Variants in HIPK3 observed in about 807,000 individuals in gnomAD.
HIPK3 encodes homeodomain interacting protein kinase 3.
Under a neutral mutation model 124.2 loss-of-function variants are expected in HIPK3, and 47 were observed. The ratio of observed to expected loss-of-function variants is 0.38; its 90% CI spans 0.30 to 0.48. The LOEUF (loss-of-function observed/expected upper bound fraction) is 0.48. Among genes scored for constraint, HIPK3 ranks in the 20% least tolerant of loss-of-function variants. The pLI is 0.98. For synonymous variants in HIPK3, 482 were observed against 515.2 expected (o/e 0.94, Z 0.87); for missense variants, 1,286 against 1,454.3 (o/e 0.88, Z 1.88).
chr11:33,334,365 G>A (rs1369734436), intron 3 of HIPK3, among the ~76,000 whole-genome samples: 1 of 152,058 alleles, frequency 6.6e-6, no homozygotes, highest in Non-Finnish European at 1.5e-5. Flanking sequence ...TGGTGAAAGG[G>A]GGAATATGTA....
Position 33,339,377 on chromosome 11 carries a change from A to G in HIPK3, c.1456A>G (p.Ser486Gly), listed in dbSNP as rs1481725126. 6.2e-7 allele frequency: 1 copy of G among 1,613,462 alleles called. No homozygotes were observed. Among genetic ancestry groups the G allele is most frequent in the Non-Finnish European group, 8.5e-7 (1 of 1,179,660 alleles). The change falls in exon 6 of 17, where the codon AGT (serine) becomes GGT (glycine). Residue 486 changes from serine to glycine, a missense_variant. Physicochemically the swap from Ser to Gly is moderately conservative, Grantham distance 56. This residue lies in a region of HIPK3 where 251 missense variants were observed against 349.1 expected (regional missense o/e 0.72). Coordinates refer to ENST00000303296, the MANE Select transcript of HIPK3 (RefSeq NM_005734.5). ...HVNTVMDLEG[S>G]DLLAEKADRR... Reference sequence around the variant, plus strand: ...GAACACAGTGATGGATTTGGAAGGAAGTGATCTTTTGGCTGAGAAAGCTGA... The same window carrying G: ...GAACACAGTGATGGATTTGGAAGGAGGTGATCTTTTGGCTGAGAAAGCTGA...
At chr11:33,302,776 C>T (rs962507711) in intron 2 of HIPK3, among the ~76,000 whole-genome samples, 1 of 152,058 alleles carries the variant, frequency 6.6e-6, no homozygotes, top group South Asian at 2.1e-4. Context: ...AATCTTAATG[C>T]TATTACTGAT....
At chr11:33,342,602 G>A (rs1202535880) in intron 8 of HIPK3, among the ~76,000 whole-genome samples, 8 of 150,076 alleles carry the variant, frequency 5.3e-5, no homozygotes, top group African/African-American at 2.0e-4. Flanking sequence ...GGAGTGCAAT[G>A]GCACTATCTC....
chr11:33,266,217 T>C (rs1850960305), intron 1 of HIPK3, among the ~76,000 whole-genome samples: 1 of 151,944 alleles, frequency 6.6e-6, no homozygotes, highest in Non-Finnish European at 1.5e-5. Context: ...CTGTAAATTT[T>C]CTTTTATATT....
rs188537670 is a variant in HIPK3 at position 33,296,736 on chromosome 11, G to A, written c.1097+9225G>A. Among the ~76,000 whole-genome samples the A allele has an allele frequency of 7.0e-4, 107 of 152,282 alleles. 2 individuals are homozygous for A. The Middle Eastern group carries it at 0.014, about 19-fold the overall frequency. On this transcript the variant is annotated intron_variant, in intron 2 of 16. Transcript: ENST00000303296. Reference sequence around the variant, plus strand: ...GATGGTGAACGTAATAAATGTGTGAGCTCCGACTGCTCTAACAACCAGCTG... The same window carrying A: ...GATGGTGAACGTAATAAATGTGTGAACTCCGACTGCTCTAACAACCAGCTG...
In HIPK3 at chr11:33,356,598, A is replaced by C. The variant is rs1389812997; in HGVS notation, c.*3030A>C. 6.6e-6 allele frequency: 1 copy of C among 151,980 alleles called. No individual in the cohort carries two copies. The highest frequency in any genetic ancestry group is 1.9e-4 in the East Asian group (1 of 5,194). The allele number at this position is 151,980 out of a possible 1,614,324, so 9.4% of individuals were successfully genotyped here. A position where few individuals can be genotyped will look rare whatever the true frequency, so the allele number is the denominator to read the frequency against. On this transcript the variant is annotated 3_prime_UTR_variant, in exon 17 of 17. Transcript: ENST00000303296. ...TAAAATCTGCTAATTTTAAACTTGGACTGTGTTAAGTAAAAGTTAAATCAT... is the reference window on the plus strand; with the variant it reads ...TAAAATCTGCTAATTTTAAACTTGGCCTGTGTTAAGTAAAAGTTAAATCAT...
chr11:33,341,163 T>G (rs773778392), intron 7 of HIPK3, 36 bp downstream of exon 7: 4 of 1,446,092 alleles, frequency 2.8e-6, no homozygotes, highest in Non-Finnish European at 3.8e-6. Flanking sequence ...TTAGGGTCTT[T>G]TTTTAATGAT....
intron 1 of HIPK3, among the ~76,000 whole-genome samples, chr11:33,272,409 A>AG (rs1182195432): frequency 6.6e-6 from 1 of 151,830 alleles, no homozygotes; most frequent in East Asian, 1.9e-4. Context: ...CAAAAAAAAA[A>AG]AATAATAATA....
chr11:33,350,989 C>T (rs1411432857), intron 14 of HIPK3, among the ~76,000 whole-genome samples: 1 of 151,830 alleles, frequency 6.6e-6, no homozygotes, highest in East Asian at 1.9e-4. Context: ...GCTTCAAATT[C>T]GTAAGTAAGT....
chr11:33,318,141 A>G (rs1275809797), intron 2 of HIPK3, among the ~76,000 whole-genome samples: 1 of 152,204 alleles, frequency 6.6e-6, no homozygotes. Flanking sequence ...TGATAGGTTT[A>G]AAGAAAAAGA....
intron 1 of HIPK3, among the ~76,000 whole-genome samples, chr11:33,274,761 G>GT (rs1486143235): frequency 1.3e-5 from 2 of 151,998 alleles, no homozygotes; most frequent in Non-Finnish European, 2.9e-5. Context: ...TTAAAGATTT[G>GT]TACTGGCAGG....
At chr11:33,293,434 ACC>A (rs1851753985) in intron 2 of HIPK3, among the ~76,000 whole-genome samples, 1 of 151,798 alleles carries the variant, frequency 6.6e-6, no homozygotes, top group Non-Finnish European at 1.5e-5. Flanking sequence ...TCTGCCCATC[ACC>A]CCCAGCCCTA....
chr11:33,343,247 T>TGTGTGTGTG (rs1853389267), intron 8 of HIPK3, among the ~76,000 whole-genome samples: 1 of 141,416 alleles, frequency 7.1e-6, no homozygotes, highest in Admixed American at 7.1e-5. Context: ...TTATTTGATT[T>TGTGTGTGTG]TGTGTGTGTG....
chr11:33,300,390 A>G (rs1285914108), intron 2 of HIPK3, among the ~76,000 whole-genome samples: 1 of 152,094 alleles, frequency 6.6e-6, no homozygotes, highest in Non-Finnish European at 1.5e-5. Context: ...ACCTTCAGCA[A>G]CCACCATCCT....
chr11:33,316,450 C>T (rs1304995197), intron 2 of HIPK3, among the ~76,000 whole-genome samples: 7 of 152,158 alleles, frequency 4.6e-5, no homozygotes, highest in Non-Finnish European at 8.8e-5. Flanking sequence ...CTCTACACAG[C>T]GATAGAAGCT....
Position 33,287,244 on chromosome 11 carries a change from T to A in HIPK3, c.830T>A (p.Met277Lys). The stretch of plus-strand genomic sequence containing the variant: ...AACCATACTTGTTTAGTCTTTGAGA[T>A]GCTGGAACAAAACTTGTATGACTTT... Reference protein sequence around the residue: ...HRNHTCLVFEMLEQNLYDFLK... With the variant: ...HRNHTCLVFEKLEQNLYDFLK... The change falls in exon 2 of 17, where the codon ATG (methionine) becomes AAG (lysine). Residue 277 changes from methionine (M) to lysine (K), a missense_variant. Met to Lys is a moderately conservative substitution (Grantham distance 95, BLOSUM62 -1). Coordinates refer to ENST00000303296, the MANE Select transcript of HIPK3 (RefSeq NM_005734.5). The A allele has an allele frequency of 6.2e-7, 1 of 1,614,188 alleles. No homozygotes were observed. The highest frequency in any genetic ancestry group is 8.5e-7 in the Non-Finnish European group (1 of 1,180,038).
intron 2 of HIPK3, among the ~76,000 whole-genome samples, chr11:33,303,782 C>A (rs1177153577): frequency 4.6e-5 from 7 of 152,024 alleles, no homozygotes; most frequent in Non-Finnish European, 1.0e-4. Flanking sequence ...GCTGGTGTGG[C>A]AAGATTGTAT....
At position 33,275,417 on chromosome 11, in the gene HIPK3, T is replaced by C. The variant is rs536822183; in HGVS notation, c.-2-10996T>C. Among the ~76,000 whole-genome samples, 6 of 152,338 alleles carry C rather than the reference T, an allele frequency of 3.9e-5. No homozygotes were observed. The South Asian group carries it at 6.2e-4, about 16-fold the overall frequency. ...TAAAATAATAGAGGTATTTAAAATA[T>C]TGACACCTAGTTAACCAATGAAGAA... On this transcript the variant is annotated intron_variant, in intron 1 of 16. Coordinates refer to ENST00000303296, the MANE Select transcript of HIPK3 (RefSeq NM_005734.5).
chr11:33,348,242 T>C lies in HIPK3; in HGVS notation c.2369+14T>C. ...TGCTTTCAGTTGGTAAGATTGTCTT[T>C]ATTGCCCTTTTGATTTATTATCTAC... is the stretch of plus-strand genomic sequence containing the variant. On this transcript the variant is annotated intron_variant, in intron 12 of 16. Coordinates refer to ENST00000303296, the MANE Select transcript of HIPK3 (RefSeq NM_005734.5). 6.2e-7 allele frequency: 1 copy of C among 1,609,310 alleles called. No individual in the cohort carries two copies. Among genetic ancestry groups the C allele is most frequent in the East Asian group, 2.2e-5 (1 of 44,852 alleles).
Sources: gnomAD v4.1 joint callset for allele counts (sites outside exome capture counted in the v4.1 genomes callset) on GRCh38, gnomAD v4.1.1 for gene constraint, gnomAD v4.1.1 regional missense constraint, MANE v1.5 for transcripts, NCBI Gene and HGNC (gene_info 2026-07-23, HGNC 2026-07-21) for gene names.